MTG1: variants seen among roughly 807,000 people sequenced by gnomAD.
MTG1 encodes the protein mitochondrial ribosome associated GTPase 1.
A neutral mutation model predicts 39.5 loss-of-function variants in MTG1; 30 were observed. That is an observed-to-expected ratio of 0.76 (90% confidence interval 0.57 to 1.03). The LOEUF (loss-of-function observed/expected upper bound fraction) is 1.03, where lower values mean the gene tolerates loss of function less well. Ranked by LOEUF, MTG1 falls within the 50% of genes least tolerant of loss-of-function variation. The probability of loss-of-function intolerance (pLI) is 0.00; values close to 1 mark genes in which losing one functional copy is unlikely to be tolerated. For missense variants in MTG1, 513 were observed against 447.4 expected (o/e 1.15, Z -1.32); for synonymous variants, 217 against 179.0 (o/e 1.21, Z -1.69).
At position 133,402,253 on chromosome 10, in the gene MTG1, G is replaced by A. The variant is rs775775650; in HGVS notation, c.670+8G>A. On this transcript the variant is annotated splice_region_variant and intron_variant, in intron 8 of 10. Transcript: ENST00000317502. The surrounding 1 kb of genome is among the most constrained non-coding windows in gnomAD (Gnocchi z 4.7). ...TGAAGCTGGCCCTGTGTGGTGAGCC[G>A]GGGCTGGGGCTGGGGCTGGGGCTGG... The A allele has an allele frequency of 4.5e-5, 38 of 841,706 alleles. No individual in the cohort carries two copies. The African/African-American group carries it at 5.9e-4, about 13-fold the overall frequency. The allele number at this position is 841,706 out of a possible 1,614,324, so 52.1% of individuals were successfully genotyped here. A position where few individuals can be genotyped will look rare whatever the true frequency, so the allele number is the denominator to read the frequency against.
intron 9 of MTG1, among the ~76,000 whole-genome samples, chr10:133,408,865 T>A (rs36118799): frequency 6.6e-6 from 1 of 152,052 alleles, no homozygotes; most frequent in Non-Finnish European, 1.5e-5. Context: ...TAATGATCCC[T>A]TGTATTTCTG....
intron 9 of MTG1, among the ~76,000 whole-genome samples, chr10:133,416,051 G>A (rs969318195): frequency 2.0e-5 from 3 of 149,858 alleles, no homozygotes; most frequent in East Asian, 1.9e-4. Context: ...TCGGGCAGGC[G>A]GGCGTCAGGC....
chr10:133,420,662 T>C lies in MTG1; in HGVS notation c.*497T>C, dbSNP rs1850216482. ...TGCAGTCCTACAACAAGTGAGAGGCTTGCTGCCATCAGAGAGGTTTATTTC... is the reference window on the plus strand; with the variant it reads ...TGCAGTCCTACAACAAGTGAGAGGCCTGCTGCCATCAGAGAGGTTTATTTC... On this transcript the variant is annotated 3_prime_UTR_variant, in exon 11 of 11. Transcript: ENST00000317502. 1 of 153,876 alleles carries C rather than the reference T, an allele frequency of 6.5e-6. No homozygotes were observed. Among genetic ancestry groups the C allele is most frequent in the South Asian group, 2.1e-4 (1 of 4,846 alleles). 9.5% of individuals were successfully genotyped at this position (153,876 alleles called of 1,614,324 possible). A position where few individuals can be genotyped will look rare whatever the true frequency, so the allele number is the denominator to read the frequency against.
At chr10:133,397,656 C>G (rs1195343193) in intron 3 of MTG1, among the ~76,000 whole-genome samples, 1 of 151,740 alleles carries the variant, frequency 6.6e-6, no homozygotes, top group East Asian at 1.9e-4. Context: ...TTTTTTGTAT[C>G]TTTAGTAGAG....
chr10:133,409,137 AT>A (rs1338508737), intron 9 of MTG1, among the ~76,000 whole-genome samples: 5 of 151,252 alleles, frequency 3.3e-5, no homozygotes, highest in African/African-American at 1.2e-4. Flanking sequence ...TGGTTAGGTT[AT>A]TTGGAGTCTT....
chr10:133,420,069 T>C lies in MTG1; in HGVS notation c.909T>C (p.Arg303=). 6.2e-6 allele frequency: 10 copies of C among 1,613,438 alleles called. No individual in the cohort carries two copies. Among genetic ancestry groups the C allele is most frequent in the Non-Finnish European group, 8.5e-6 (10 of 1,179,680 alleles). ...AGCCTAACTATCCTGCGGCAGCCCG[T>C]GACTTCCTGCAGACTTTCCGCCGTG... is the stretch of plus-strand genomic sequence containing the variant. ...IIQPNYPAAA[R]DFLQTFRRGL... Residue 303 remains arginine, a synonymous_variant, in exon 11 of 11, where the codon CGT becomes CGC. Coordinates refer to ENST00000317502, the MANE Select transcript of MTG1 (RefSeq NM_138384.4).
rs557113782 is a variant in MTG1 at position 133,421,248 on chromosome 10, C to G, written c.*1083C>G. ...ACCTGCATCGTGCCATAACCCTGACCGCCTGGGGCAGGAAGTATTCAGGTT... is the reference window on the plus strand; with the variant it reads ...ACCTGCATCGTGCCATAACCCTGACGGCCTGGGGCAGGAAGTATTCAGGTT... On this transcript the variant is annotated 3_prime_UTR_variant, in exon 11 of 11. Coordinates refer to ENST00000317502, the MANE Select transcript of MTG1 (RefSeq NM_138384.4). 1 of 152,796 alleles carries G rather than the reference C, an allele frequency of 6.5e-6. No individual in the cohort carries two copies. Among genetic ancestry groups the G allele is most frequent in the African/African-American group, 2.4e-5 (1 of 41,452 alleles). 9.5% of individuals were successfully genotyped at this position (152,796 alleles called of 1,614,324 possible).
intron 1 of MTG1, among the ~76,000 whole-genome samples, chr10:133,395,326 CG>C (rs2133488970): frequency 6.6e-6 from 1 of 151,778 alleles, no homozygotes; most frequent in South Asian, 2.1e-4. Context: ...ACCTGGCAGG[CG>C]GAGGTTGCAG....
Position 133,398,460 on chromosome 10 carries a change from A to G in MTG1, c.308A>G (p.Glu103Gly). ...AAAATTATGCAACACTTAGAAGGAG[A>G]AGGCCTAAAAAATGTCATTTTTACC... ...QQKIMQHLEG[E>G]GLKNVIFTNC... Residue 103 changes from glutamate (E) to glycine (G), a missense_variant, in exon 4 of 11, where the codon GAA (glutamate) becomes GGA (glycine). Transcript: ENST00000317502. 1 of 1,613,200 alleles carries G rather than the reference A, an allele frequency of 6.2e-7. No individual in the cohort carries two copies. Among genetic ancestry groups the G allele is most frequent in the Non-Finnish European group, 8.5e-7 (1 of 1,179,830 alleles).
In MTG1 at chr10:133,401,446, G is replaced by A. The variant is rs1849873375; in HGVS notation, c.512-83G>A. On this transcript the variant is annotated intron_variant, in intron 6 of 10. Transcript: ENST00000317502. ...TCTCCCTGCTTGGCTGGTCAGATGT[G>A]TTTGTTACATACGTCTCCCTACTTG... The A allele has an allele frequency of 1.1e-5, 13 of 1,230,968 alleles. No homozygotes were observed. In the East Asian group the frequency reaches 2.6e-4, roughly 25 times the overall value. The allele number at this position is 1,230,968 out of a possible 1,614,324, so 76.3% of individuals were successfully genotyped here.
At chr10:133,400,722 A>G (rs1338254913) in intron 6 of MTG1, among the ~76,000 whole-genome samples, 2 of 152,210 alleles carry the variant, frequency 1.3e-5, no homozygotes, top group Non-Finnish European at 2.9e-5. Flanking sequence ...TATTTTGGTT[A>G]CCTGAAAATG....
chr10:133,399,312 C>A, intron 5 of MTG1, 86 bp downstream of exon 5: 1 of 1,493,102 alleles, frequency 6.7e-7, no homozygotes, highest in Non-Finnish European at 9.3e-7. Context: ...AAGGAGAAGG[C>A]GCAGCGCCCC....
chr10:133,421,903 C>G lies in MTG1; in HGVS notation c.*1738C>G, dbSNP rs7080988. ...AGAGGGTGAGATCCCAAGGCCACGGCGGGGGGCAGGGAGAACCCCTCCTAC... is the reference window on the plus strand; with the variant it reads ...AGAGGGTGAGATCCCAAGGCCACGGGGGGGGGCAGGGAGAACCCCTCCTAC... On this transcript the variant is annotated 3_prime_UTR_variant, in exon 11 of 11. Transcript: ENST00000317502. The G allele has an allele frequency of 0.89, 118,826 of 133,276 alleles. 53,784 individuals are homozygous for G. The highest frequency in any genetic ancestry group is 1 in the East Asian group (4,199 of 4,220). The allele number at this position is 133,276 out of a possible 1,614,324, so 8.3% of individuals were successfully genotyped here.
chr10:133,394,519 G>C, intron 1 of MTG1, 187 bp downstream of exon 1: 1 of 1,328,302 alleles, frequency 7.5e-7, no homozygotes, highest in Non-Finnish European at 9.6e-7. Flanking sequence ...CTTCCCCTGC[G>C]CAGCTGCGGG....
chr10:133,397,849 A>G (rs1303212572), intron 3 of MTG1, among the ~76,000 whole-genome samples: 1 of 148,798 alleles, frequency 6.7e-6, no homozygotes, highest in Non-Finnish European at 1.5e-5. Flanking sequence ...ATCAGTGGCA[A>G]CTCCTGCCTT....
rs764708020 is a variant in MTG1, at chr10:133,398,463, G to A, written c.311G>A (p.Gly104Asp). ...QKIMQHLEGE[G>D]LKNVIFTNCV... ...ATTATGCAACACTTAGAAGGAGAAG[G>A]CCTAAAAAATGTCATTTTTACCAAC... The change falls in exon 4 of 11, where the codon GGC becomes GAC. Residue 104 changes from glycine (G) to aspartate (D), a missense_variant. By Grantham distance (94) the Gly-to-Asp change is moderately conservative. Transcript: ENST00000317502. The A allele has an allele frequency of 2.5e-6, 4 of 1,613,086 alleles. No homozygotes were observed. Among genetic ancestry groups the A allele is most frequent in the Non-Finnish European group, 3.4e-6 (4 of 1,179,774 alleles).
At position 133,407,180 on chromosome 10, in the gene MTG1, C is replaced by T. The variant is rs555266862; in HGVS notation, c.752+4407C>T. Among the ~76,000 whole-genome samples, 18 of 152,282 alleles carry T rather than the reference C, an allele frequency of 1.2e-4. No homozygotes were observed. The South Asian group carries it at 1.2e-3, about 11-fold the overall frequency. ...CTGTGTATGTGTTTTATGCCAGTAG[C>T]GTGCTGTTTTTGGTTACTACGAATA... On this transcript the variant is annotated intron_variant, in intron 9 of 10. Coordinates refer to ENST00000317502, the MANE Select transcript of MTG1 (RefSeq NM_138384.4).
rs1008205054 is a variant in MTG1, at chr10:133,394,529, G to A, written c.112+197G>A. The A allele has an allele frequency of 9.7e-6, 13 of 1,343,002 alleles. No homozygotes were observed. In the African/African-American group the frequency reaches 1.9e-4, roughly 19 times the overall value. The allele number at this position is 1,343,002 out of a possible 1,614,324, so 83.2% of individuals were successfully genotyped here. A position where few individuals can be genotyped will look rare whatever the true frequency, so the allele number is the denominator to read the frequency against. On this transcript the variant is annotated intron_variant, in intron 1 of 10. Transcript: ENST00000317502. ...GACCCCTTCCCCTGCGCAGCTGCGGGAGAGGCCCGTTCCCGCGAGTGCCCC... is the reference window on the plus strand; with the variant it reads ...GACCCCTTCCCCTGCGCAGCTGCGGAAGAGGCCCGTTCCCGCGAGTGCCCC...
chr10:133,422,163 G>GCGCTGGGCCCCGC lies in MTG1; in HGVS notation c.*2000_*2012dup, dbSNP rs1479441660. ...GCCTCTTGCATGGGTGTCCTGCTGG[G>GCGCTGGGCCCCGC]CGCTGGGCCCCGCCACTGGCCCCCT... On this transcript the variant is annotated 3_prime_UTR_variant, in exon 11 of 11. Transcript: ENST00000317502. 6.6e-6 allele frequency: 1 copy of GCGCTGGGCCCCGC among 152,612 alleles called. No homozygotes were observed. Among genetic ancestry groups the GCGCTGGGCCCCGC allele is most frequent in the Non-Finnish European group, 1.5e-5 (1 of 68,330 alleles). The allele number at this position is 152,612 out of a possible 1,614,324, so 9.5% of individuals were successfully genotyped here. A position where few individuals can be genotyped will look rare whatever the true frequency, so the allele number is the denominator to read the frequency against.
Sources: allele counts gnomAD v4.1 joint callset (sites outside exome capture counted in the v4.1 genomes callset), GRCh38; gene constraint gnomAD v4.1.1; non-coding constraint Gnocchi (gnomAD v3.1); transcripts MANE v1.5; gene names NCBI Gene and HGNC (gene_info 2026-07-23, HGNC 2026-07-21).